The following INTS3 variants were observed in gnomAD, a reference collection of about 807,000 sequenced individuals.
INTS3 encodes SOSS complex subunit A.
In INTS3, 34 loss-of-function variants were observed where a neutral mutation model predicts 146.3. The ratio of observed to expected loss-of-function variants is 0.23; its 90% CI spans 0.18 to 0.31. The LOEUF (loss-of-function observed/expected upper bound fraction) is 0.31. Ranked by LOEUF, INTS3 falls within the 10% of genes least tolerant of loss-of-function variation. The pLI, the probability that INTS3 is intolerant of heterozygous loss-of-function variation, is 1.00. For synonymous variants in INTS3, 475 were observed against 494.9 expected (o/e 0.96, Z 0.53); for missense variants, 757 against 1,304.2 (o/e 0.58, Z 6.46).
intron 9 of INTS3, among the ~76,000 whole-genome samples, chr1:153,756,825 T>A (rs1672179827): frequency 1.3e-5 from 2 of 152,094 alleles, no homozygotes; most frequent in South Asian, 4.1e-4. Flanking sequence ...TCAAAAAAAA[T>A]AAAATAAATA....
At chr1:153,763,914 G>A (rs533846854) in intron 17 of INTS3, 28 bp downstream of exon 17, 1 of 1,604,532 alleles carries the variant, frequency 6.2e-7, no homozygotes, top group African/African-American at 1.3e-5. Flanking sequence ...CCCTTAGGGA[G>A]GAAGCAGCCT....
At chr1:153,764,795 T>C in intron 19 of INTS3, 61 bp downstream of exon 19, 2 of 1,521,894 alleles carry the variant, frequency 1.3e-6, no homozygotes, top group Middle Eastern at 1.7e-4. Context: ...AGCACACACA[T>C]GTGCTCCTGT....
In INTS3 at chr1:153,751,218, C is replaced by T; in HGVS notation, c.708C>T (p.Cys236=). The stretch of plus-strand genomic sequence containing the variant: ...TGCGACAGAAGGAAGTAGACTTCTG[C>T]ATCTCACTGCTTCGGGAACGGGTGA... The part of the protein sequence containing the change: ...QALRQKEVDF[C]ISLLRERFME... Residue 236 remains cysteine (C), a synonymous_variant, in exon 7 of 30, where the codon TGC becomes TGT. Coordinates refer to ENST00000318967, the MANE Select transcript of INTS3 (RefSeq NM_023015.5). The T allele has an allele frequency of 6.2e-7, 1 of 1,614,156 alleles. No homozygotes were observed. The highest frequency in any genetic ancestry group is 1.1e-5 in the South Asian group (1 of 91,080).
intron 3 of INTS3, among the ~76,000 whole-genome samples, chr1:153,746,670 G>A (rs1671756626): frequency 6.6e-6 from 1 of 151,150 alleles, no homozygotes; most frequent in African/African-American, 2.4e-5. Context: ...CAAAGTGCTG[G>A]GATTACAGGC....
At chr1:153,738,626 A>G (rs1671393129) in intron 1 of INTS3, among the ~76,000 whole-genome samples, 1 of 152,196 alleles carries the variant, frequency 6.6e-6, no homozygotes, top group South Asian at 2.1e-4. Context: ...GCTCTCCTAC[A>G]GTGATTATTA....
At chr1:153,751,997 T>C (rs1671974675) in intron 7 of INTS3, 1 of 404,596 alleles carries the variant, frequency 2.5e-6, no homozygotes, top group Non-Finnish European at 4.4e-6. Flanking sequence ...TTGAACTGGA[T>C]TGAAACAGTT....
chr1:153,759,820 C>G, intron 11 of INTS3: 1 of 583,084 alleles, frequency 1.7e-6, no homozygotes. Flanking sequence ...CTCCTCCCCA[C>G]AGTCTTCAGG....
At chr1:153,751,326 C>T (rs1671950761) in intron 7 of INTS3, 87 bp downstream of exon 7, 1 of 1,328,634 alleles carries the variant, frequency 7.5e-7, no homozygotes, top group African/African-American at 1.4e-5. Flanking sequence ...TCAGAAATAC[C>T]TTGTTAGAGA....
At chr1:153,734,352 T>G (rs531778010) in intron 1 of INTS3, among the ~76,000 whole-genome samples, 1 of 152,204 alleles carries the variant, frequency 6.6e-6, no homozygotes, top group Non-Finnish European at 1.5e-5. Context: ...TGTAATCAAT[T>G]TTCCCATCCC....
intron 24 of INTS3, 28 bp from the exon 25 acceptor site, chr1:153,770,657 C>A (rs1286667431): frequency 1.2e-6 from 2 of 1,603,568 alleles, no homozygotes; most frequent in Non-Finnish European, 1.7e-6. Context: ...TACCTTCCCC[C>A]TGAACAGCCT....
chr1:153,757,888 G>T lies in INTS3; in HGVS notation c.1149+125G>T. On this transcript the variant is annotated intron_variant, in intron 10 of 29. Coordinates refer to ENST00000318967, the MANE Select transcript of INTS3 (RefSeq NM_023015.5). The surrounding 1 kb of genome is among the most constrained non-coding windows in gnomAD (Gnocchi z 4.0). ...GCCCTTCTTTCACTCTGGTCTTCCA[G>T]AGTGTCTCAGCCTTCACTTCCCTTT... 2 of 680,044 alleles carry T rather than the reference G, an allele frequency of 2.9e-6. No individual in the cohort carries two copies. Among genetic ancestry groups the T allele is most frequent in the Non-Finnish European group, 5.0e-6 (2 of 396,052 alleles). 42.1% of individuals were successfully genotyped at this position (680,044 alleles called of 1,614,324 possible).
At chr1:153,762,412 C>G (rs529409763) in intron 14 of INTS3, among the ~76,000 whole-genome samples, 4 of 152,346 alleles carry the variant, frequency 2.6e-5, no homozygotes, top group African/African-American at 9.6e-5. Context: ...CCACTGCACT[C>G]CAGCCCAGGC....
Position 153,748,766 on chromosome 1 carries a change from C to T in INTS3, c.584+11C>T, listed in dbSNP as rs1260887997. 8 of 1,611,040 alleles carry T rather than the reference C, an allele frequency of 5.0e-6. No homozygotes were observed. In the Admixed American group the frequency reaches 1.3e-4, roughly 27 times the overall value. On this transcript the variant is annotated intron_variant, in intron 6 of 29. Transcript: ENST00000318967. The stretch of plus-strand genomic sequence containing the variant: ...CCTGACAGAGCAAAGGTAGCATCCA[C>T]CACGAAGGGTGGGGTACAGGCCAGA...
At chr1:153,767,077 G>A (rs1002133220) in intron 20 of INTS3, 2 of 152,214 alleles carry the variant, frequency 1.3e-5, no homozygotes, top group Non-Finnish European at 2.9e-5. Context: ...CTGGATGCAA[G>A]TCTCAGACAT....
intron 8 of INTS3, chr1:153,753,956 CT>C (rs60830214): frequency 0.45 from 51,363 of 113,372 alleles, 9,242 homozygotes; most frequent in African/African-American, 0.54. Context: ...CACCTGGCCT[CT>C]TTTTTTTTTT....
chr1:153,770,140 T>C, intron 23 of INTS3, 58 bp from the exon 24 acceptor site: 1 of 722,588 alleles, frequency 1.4e-6, no homozygotes, highest in South Asian at 1.4e-5. Flanking sequence ...GGGGGGTGTG[T>C]GTGTGTGTGT....
intron 7 of INTS3, chr1:153,752,045 C>A (rs1231254003): frequency 1.4e-5 from 7 of 514,752 alleles, no homozygotes; most frequent in Non-Finnish European, 2.4e-5. Flanking sequence ...TGAAAGCCAG[C>A]AGGGCTTCAG....
At chr1:153,763,938 TAC>T in intron 17 of INTS3, 52 bp downstream of exon 17, 1 of 1,541,164 alleles carries the variant, frequency 6.5e-7, no homozygotes, top group Non-Finnish European at 9.0e-7. Flanking sequence ...CTGCTTAGCT[TAC>T]ACGTCTCCCA....
In INTS3 at chr1:153,760,931, G is replaced by A. The variant is rs369150636; in HGVS notation, c.1409+13G>A. 7 of 1,610,678 alleles carry A rather than the reference G, an allele frequency of 4.3e-6. No individual in the cohort carries two copies. In the South Asian group the frequency reaches 4.4e-5, roughly 10 times the overall value. On this transcript the variant is annotated intron_variant, in intron 13 of 29. Transcript: ENST00000318967. ...AACGGGTCTTGGCGTAAGGAATTTG[G>A]TGGGGGAAGGAGGTTGTTTTCCCAT... is the stretch of plus-strand genomic sequence containing the variant.
Sources: allele counts gnomAD v4.1 joint callset (sites outside exome capture counted in the v4.1 genomes callset), GRCh38; gene constraint gnomAD v4.1.1; non-coding constraint Gnocchi (gnomAD v3.1); transcripts MANE v1.5; gene names NCBI Gene and HGNC (gene_info 2026-07-23, HGNC 2026-07-21).